Variants in CTSB observed in about 807,000 individuals in gnomAD.
CTSB encodes cathepsin B.
In CTSB, 57 loss-of-function variants were observed where a neutral mutation model predicts 44.3. That is an observed-to-expected ratio of 1.29 (90% CI 1.04 to 1.60). CTSB has a LOEUF of 1.60. CTSB is among the 40% of genes most tolerant of loss of function. CTSB has a pLI of 0.00. For synonymous variants in CTSB, 320 were observed against 168.0 expected (o/e 1.91, Z -7.00); for missense variants, 768 against 443.0 (o/e 1.73, Z -6.59).
At chr8:11,866,883 C>A (rs1342431052) in intron 1 of CTSB, among the ~76,000 whole-genome samples, 1 of 152,190 alleles carries the variant, frequency 6.6e-6, no homozygotes, top group African/African-American at 2.4e-5. Context: ...GCCTTACGTT[C>A]CTGAACGTTT....
At chr8:11,865,288 T>TA (rs1229305370) in intron 1 of CTSB, among the ~76,000 whole-genome samples, 1 of 152,176 alleles carries the variant, frequency 6.6e-6, no homozygotes, top group Non-Finnish European at 1.5e-5. Flanking sequence ...CTCATACCTG[T>TA]AATCCCAGCG....
rs1187289696 is a variant in CTSB at position 11,845,705 on chromosome 8, T to C, written c.878A>G (p.Tyr293Cys). Residue 293 changes from tyrosine (Y) to cysteine (C), a missense_variant, in exon 9 of 10, where the codon TAC becomes TGC. By Grantham distance (194) the Tyr-to-Cys change is radical (BLOSUM62 -2). Transcript: ENST00000353047. ...LGWGVENGTP[Y>C]WLVANSWNTD... ...GTTCCAGGAGTTGGCAACCAGCCAG[T>C]AGGGTGTGCCATTCTCCACTCCCCA... is the stretch of plus-strand genomic sequence containing the variant. 4.3e-6 allele frequency: 7 copies of C among 1,614,074 alleles called. No homozygotes were observed. The highest frequency in any genetic ancestry group is 1.1e-5 in the South Asian group (1 of 91,072).
chr8:11,860,490 G>C (rs191712540), intron 1 of CTSB, among the ~76,000 whole-genome samples: 1 of 152,112 alleles, frequency 6.6e-6, no homozygotes, highest in Admixed American at 6.5e-5. Context: ...AGGCGTGGTG[G>C]TTGTGCACCT....
Position 11,852,697 on chromosome 8 carries a change from T to C in CTSB, c.127-2A>G. On this transcript the variant is annotated splice_acceptor_variant, in intron 2 of 9. Coordinates refer to ENST00000353047, the MANE Select transcript of CTSB (RefSeq NM_001908.5). LOFTEE classifies it high-confidence loss of function. ...CACGTTGTAGAAGTTGTGCCCGGCC[T>C]GGAAGAGAGTCACCCACTGACTGAA... is the stretch of plus-strand genomic sequence containing the variant. 3 of 1,613,728 alleles carry C rather than the reference T, an allele frequency of 1.9e-6. No individual in the cohort carries two copies. The highest frequency in any genetic ancestry group is 2.5e-6 in the Non-Finnish European group (3 of 1,179,890).
chr8:11,861,539 G>A (rs1394380918), intron 1 of CTSB: 2 of 152,322 alleles, frequency 1.3e-5, no homozygotes, highest in Non-Finnish European at 2.9e-5. Flanking sequence ...CAGACAAAAT[G>A]ACTACTGTAC....
chr8:11,847,135 T>C lies in CTSB; in HGVS notation c.710A>G (p.Lys237Arg), dbSNP rs757738552. The change falls in exon 8 of 10, where the codon AAG becomes AGG. Residue 237 changes from lysine to arginine, a missense_variant. Physicochemically the swap from Lys to Arg is conservative, Grantham distance 26 (BLOSUM62 2). Transcript: ENST00000353047. ...YNSYSVSNSE[K>R]DIMAEIYKNG... ...TTTGTAGATCTCGGCCATGATGTCC[T>C]TCTCGCTATTGGAGACGCTGTAGGA... 9.9e-6 allele frequency: 16 copies of C among 1,612,370 alleles called. No homozygotes were observed. The highest frequency in any genetic ancestry group is 1.3e-5 in the Non-Finnish European group (15 of 1,179,046).
chr8:11,847,568 G>T, intron 7 of CTSB, 111 bp downstream of exon 7: 1 of 1,235,810 alleles, frequency 8.1e-7, no homozygotes, highest in Non-Finnish European at 1.1e-6. Context: ...CTATCCTAGA[G>T]TTCCGGGACC....
chr8:11,847,321 T>C (rs570432483), intron 7 of CTSB, among the ~76,000 whole-genome samples, 153 bp from the exon 8 acceptor site: 1 of 152,094 alleles, frequency 6.6e-6, no homozygotes, highest in Non-Finnish European at 1.5e-5. Context: ...AAGGCTCCCC[T>C]GAAGAACTAA....
chr8:11,848,003 G>A, intron 6 of CTSB, 64 bp downstream of exon 6: 1 of 1,425,656 alleles, frequency 7.0e-7, no homozygotes, highest in African/African-American at 1.4e-5. Flanking sequence ...GGCAAATAAA[G>A]CCATGATGGT....
intron 1 of CTSB, chr8:11,853,827 T>C (rs184098032): frequency 5.3e-6 from 1 of 187,710 alleles, no homozygotes; most frequent in East Asian, 1.5e-4. Context: ...TATGAAACAG[T>C]TAAGAGCCTG....
In CTSB at chr8:11,853,413, C is replaced by T. The variant is rs1483695122; in HGVS notation, c.42G>A (p.Leu14=). 2 of 1,612,632 alleles carry T rather than the reference C, an allele frequency of 1.2e-6. No homozygotes were observed. Among genetic ancestry groups the T allele is most frequent in the Non-Finnish European group, 1.7e-6 (2 of 1,179,766 alleles). The stretch of plus-strand genomic sequence containing the variant: ...AAGAGGGCCTGCTCCGGGCATTGGC[C>T]AACACCAGCAGGCAGCAGAGGGAGG... ...LWASLCCLLV[L]ANARSRPSFH... Residue 14 remains leucine (L), a synonymous_variant, in exon 2 of 10, where the codon TTG becomes TTA. Coordinates refer to ENST00000353047, the MANE Select transcript of CTSB (RefSeq NM_001908.5).
At chr8:11,854,022 C>G (rs956333310) in intron 1 of CTSB, among the ~76,000 whole-genome samples, 3 of 152,164 alleles carry the variant, frequency 2.0e-5, no homozygotes, top group African/African-American at 7.2e-5. Context: ...TCTGGTTTTT[C>G]CAGTCAGCCA....
chr8:11,849,087 C>T lies in CTSB; in HGVS notation c.405G>A (p.Ala135=), dbSNP rs138936863. 1.5e-5 allele frequency: 25 copies of T among 1,613,464 alleles called. No homozygotes were observed. Among genetic ancestry groups the T allele is most frequent in the South Asian group, 8.8e-5 (8 of 91,044 alleles). Residue 135 remains alanine, a synonymous_variant, in exon 5 of 10, where the codon GCG becomes GCA. Coordinates refer to ENST00000353047, the MANE Select transcript of CTSB (RefSeq NM_001908.5). ...TNAHVSVEVS[A]EDLLTCCGSM... is the part of the protein sequence containing the mutation. ...TGCCACAGCATGTGAGCAGGTCCTC[C>T]GCCGACACCTCCACGCTGACGTGCG...
chr8:11,858,398 G>C (rs1815868870), intron 1 of CTSB, among the ~76,000 whole-genome samples: 1 of 152,178 alleles, frequency 6.6e-6, no homozygotes, highest in Admixed American at 6.5e-5. Flanking sequence ...GGGCTCAAGA[G>C]ATCTGCTCCC....
intron 1 of CTSB, chr8:11,867,573 C>G (rs983675222): frequency 6.6e-6 from 1 of 152,252 alleles, no homozygotes; most frequent in Non-Finnish European, 1.5e-5. Flanking sequence ...CCGGCAGATG[C>G]GATTATGTCG....
Position 11,850,954 on chromosome 8 carries a change from A to C in CTSB, c.239T>G (p.Leu80Arg), listed in dbSNP as rs1169787484. The C allele has an allele frequency of 6.2e-7, 1 of 1,613,222 alleles. No homozygotes were observed. The highest frequency in any genetic ancestry group is 1.1e-5 in the South Asian group (1 of 90,986). ...TTCCCGTGCATCGAAGCTTGCAGGC[A>C]GCTTCAGGTCCTCGGTAAACATAAC... ...QRVMFTEDLK[L>R]PASFDAREQW... Residue 80 changes from leucine (L) to arginine (R), a missense_variant, in exon 4 of 10, where the codon CTG becomes CGG. Leu to Arg is a moderately radical substitution (Grantham distance 102). Coordinates refer to ENST00000353047, the MANE Select transcript of CTSB (RefSeq NM_001908.5).
At position 11,847,743 on chromosome 8, in the gene CTSB, G is replaced by T. The variant is rs773352297; in HGVS notation, c.612C>A (p.Thr204=). Residue 204 remains threonine (T), a synonymous_variant, in exon 7 of 10, where the codon ACC becomes ACA. Coordinates refer to ENST00000353047, the MANE Select transcript of CTSB (RefSeq NM_001908.5). The part of the protein sequence containing the change: ...SRPPCTGEGD[T]PKCSKICEPG... ...GCTCACAGATCTTGCTACACTTGGG[G>T]GTATCTCCCTCCCCCGTGCATGGGG... 2 of 1,601,112 alleles carry T rather than the reference G, an allele frequency of 1.2e-6. No individual in the cohort carries two copies. Among genetic ancestry groups the T allele is most frequent in the South Asian group, 1.1e-5 (1 of 89,282 alleles).
chr8:11,847,594 C>A (rs1813641240), intron 7 of CTSB, 85 bp downstream of exon 7: 1 of 1,453,094 alleles, frequency 6.9e-7, no homozygotes, highest in African/African-American at 1.4e-5. Context: ...GCTCCTCAGC[C>A]CTGACCTCTT....
chr8:11,864,922 G>A (rs1267588373), intron 1 of CTSB, among the ~76,000 whole-genome samples: 2 of 150,666 alleles, frequency 1.3e-5, no homozygotes, highest in East Asian at 3.9e-4. Flanking sequence ...AAAAAAAAAA[G>A]AAAGAAAAAA....
Sources: gnomAD v4.1 joint callset for allele counts (sites outside exome capture counted in the v4.1 genomes callset) on GRCh38, gnomAD v4.1.1 for gene constraint, MANE v1.5 for transcripts, NCBI Gene and HGNC (gene_info 2026-07-23, HGNC 2026-07-21) for gene names.